LTBP1: variants seen among roughly 807,000 people sequenced by gnomAD.
The protein encoded by LTBP1 is latent transforming growth factor beta binding protein 1.
LTBP1 carries 129 observed loss-of-function variants against 207.6 expected under a neutral mutation model. The ratio of observed to expected loss-of-function variants is 0.62; its 90% CI spans 0.54 to 0.72. The LOEUF (loss-of-function observed/expected upper bound fraction) is 0.72, where lower values mean the gene tolerates loss of function less well. Among genes scored for constraint, LTBP1 ranks in the 30% least tolerant of loss-of-function variants. The pLI, the probability that LTBP1 is intolerant of heterozygous loss-of-function variation, is 0.00. For synonymous variants in LTBP1, 963 were observed against 833.7 expected, an observed-to-expected ratio of 1.16 and a Z score of -2.67; for missense variants, 2,281 against 2,217.2, an observed-to-expected ratio of 1.03 and a Z score of -0.58.
chr2:33,295,184 C>G (rs2093850886), intron 20 of LTBP1, among the ~76,000 whole-genome samples: 1 of 151,970 alleles, frequency 6.6e-6, no homozygotes. Flanking sequence ...TATCATTTCT[C>G]ATTTATCCGG....
rs886950828 is a variant in LTBP1 at position 33,134,602 on chromosome 2, A to G, written c.1034-191A>G. 3.3e-6 allele frequency: 5 copies of G among 1,535,556 alleles called. No homozygotes were observed. In the Admixed American group the frequency reaches 7.9e-5, roughly 24 times the overall value. ...AGCTTCCTACTCCTGTTTCAGAGAC[A>G]CCACTGAATACAGAGCAGCGAGCAC... On this transcript the variant is annotated intron_variant, in intron 4 of 33. Coordinates refer to ENST00000404816, the MANE Select transcript of LTBP1 (RefSeq NM_206943.4). The surrounding 1 kb of genome is among the most constrained non-coding windows in gnomAD (Gnocchi z 4.4).
At chr2:33,159,886 T>C (rs949190446) in intron 5 of LTBP1, among the ~76,000 whole-genome samples, 1 of 152,302 alleles carries the variant, frequency 6.6e-6, no homozygotes, top group East Asian at 1.9e-4. Context: ...TTTTATTTTA[T>C]TTTATTTATT....
At chr2:32,956,151 T>C (rs188040008) in intron 2 of LTBP1, among the ~76,000 whole-genome samples, 2 of 152,304 alleles carry the variant, frequency 1.3e-5, no homozygotes, top group East Asian at 3.9e-4. Context: ...GGTCTTGCCT[T>C]GATATGGCTG....
At chr2:33,327,901 G>C (rs1266645739) in intron 24 of LTBP1, among the ~76,000 whole-genome samples, 1 of 151,970 alleles carries the variant, frequency 6.6e-6, no homozygotes, top group Non-Finnish European at 1.5e-5. Flanking sequence ...CACTTTGGGA[G>C]GCTGAGGTGG....
At chr2:33,368,485 T>C (rs893264134) in intron 31 of LTBP1, among the ~76,000 whole-genome samples, 1 of 152,188 alleles carries the variant, frequency 6.6e-6, no homozygotes, top group Non-Finnish European at 1.5e-5. Context: ...CCATAAACAA[T>C]GCTGCAATGA....
intron 24 of LTBP1, among the ~76,000 whole-genome samples, chr2:33,341,727 A>ATATATATATAT (rs1285574448): frequency 1.8e-4 from 16 of 89,594 alleles, no homozygotes; most frequent in African/African-American, 8.1e-4. Flanking sequence ...AAAAAAAAAA[A>ATATATATATAT]AAATATATAT....
chr2:33,303,299 G>C (rs1282332676), intron 22 of LTBP1, among the ~76,000 whole-genome samples: 1 of 151,528 alleles, frequency 6.6e-6, no homozygotes, highest in Non-Finnish European at 1.5e-5. Flanking sequence ...TTGAGGGGAT[G>C]GTTTCAGGAT....
At chr2:33,331,579 C>G (rs2094494589) in intron 24 of LTBP1, among the ~76,000 whole-genome samples, 1 of 152,096 alleles carries the variant, frequency 6.6e-6, no homozygotes, top group Admixed American at 6.5e-5. Context: ...AGAATATACT[C>G]TAAATGACTT....
At chr2:33,269,101 CCATTCATT>C (rs3050390) in intron 15 of LTBP1, among the ~76,000 whole-genome samples, 3,046 of 151,544 alleles carry the variant, frequency 0.02, 86 homozygotes, top group African/African-American at 0.065. Context: ...TTTCCAGACT[CCATTCATT>C]CATTCATTCA....
chr2:33,095,394 A>G (rs1391215088), intron 3 of LTBP1, among the ~76,000 whole-genome samples: 1 of 152,240 alleles, frequency 6.6e-6, no homozygotes, highest in Non-Finnish European at 1.5e-5. Flanking sequence ...GAAAAGCAAC[A>G]GCTGGAAAGC....
chr2:33,217,070 G>C (rs1156552713), intron 7 of LTBP1, among the ~76,000 whole-genome samples: 3 of 152,168 alleles, frequency 2.0e-5, no homozygotes, highest in African/African-American at 7.2e-5. Context: ...TCTGTGCCCA[G>C]GCCTTGGGGT....
intron 19 of LTBP1, among the ~76,000 whole-genome samples, chr2:33,286,741 T>C (rs1412658179): frequency 1.9e-5 from 2 of 107,602 alleles, no homozygotes; most frequent in African/African-American, 8.7e-5. Flanking sequence ...CATGGAATAC[T>C]ATGCAGCCAT....
At chr2:33,164,797 CA>C (rs913657597) in intron 5 of LTBP1, among the ~76,000 whole-genome samples, 1 of 152,194 alleles carries the variant, frequency 6.6e-6, no homozygotes, top group Non-Finnish European at 1.5e-5. Context: ...AGGGCATTCA[CA>C]GCAGTTTTCT....
At chr2:33,388,245 C>T (rs570651828) in intron 31 of LTBP1, among the ~76,000 whole-genome samples, 68 of 152,132 alleles carry the variant, frequency 4.5e-4, no homozygotes, top group African/African-American at 1.6e-3. Flanking sequence ...GTCAGGGGGC[C>T]GTGGGGCTGA....
chr2:33,302,950 TACACACACACACACACACAC>T (rs70938396), intron 22 of LTBP1, among the ~76,000 whole-genome samples: 2 of 144,900 alleles, frequency 1.4e-5, no homozygotes, highest in African/African-American at 5.0e-5. Context: ...CTAATATTTT[TACACACACACACACACACAC>T]ACACACACAC....
intron 5 of LTBP1, among the ~76,000 whole-genome samples, chr2:33,139,360 A>G (rs2082451564): frequency 6.6e-6 from 1 of 152,320 alleles, no homozygotes; most frequent in Admixed American, 6.5e-5. Flanking sequence ...GTGACTATGT[A>G]TAAAACATGG....
chr2:33,228,847 A>G (rs2091618609), intron 9 of LTBP1, among the ~76,000 whole-genome samples: 1 of 150,886 alleles, frequency 6.6e-6, no homozygotes, highest in South Asian at 2.1e-4. Context: ...CTACAAGCAC[A>G]CGCCACCACA....
chr2:33,386,950 C>T (rs2095271018), intron 31 of LTBP1, among the ~76,000 whole-genome samples: 1 of 151,630 alleles, frequency 6.6e-6, no homozygotes, highest in African/African-American at 2.4e-5. Context: ...CCTGCCTCAG[C>T]CTCCTGAGTA....
At chr2:32,953,761 A>G (rs1677587226) in intron 2 of LTBP1, among the ~76,000 whole-genome samples, 1 of 152,140 alleles carries the variant, frequency 6.6e-6, no homozygotes, top group Non-Finnish European at 1.5e-5. Context: ...TGACAACCAC[A>G]GGGTTTTGCT....
Sources: allele counts gnomAD v4.1 joint callset (sites outside exome capture counted in the v4.1 genomes callset), GRCh38; gene constraint gnomAD v4.1.1; non-coding constraint Gnocchi (gnomAD v3.1); transcripts MANE v1.5; gene names NCBI Gene and HGNC (gene_info 2026-07-23, HGNC 2026-07-21).